ITGBL1: variants seen among roughly 807,000 people sequenced by gnomAD.
ITGBL1 encodes integrin beta-like protein 1.
A neutral mutation model predicts 68.5 loss-of-function variants in ITGBL1; 51 were observed. The observed-to-expected ratio is 0.74, with a 90% CI of 0.59 to 0.94. ITGBL1 has a LOEUF of 0.94. Ranked by LOEUF, ITGBL1 falls within the 40% of genes least tolerant of loss-of-function variation. ITGBL1 has a pLI of 0.00. For missense variants in ITGBL1, 649 were observed against 647.4 expected, an observed-to-expected ratio of 1.00 and a Z score of -0.03; for synonymous variants, 209 against 227.3, an observed-to-expected ratio of 0.92 and a Z score of 0.72.
chr13:101,587,015 A>G (rs1200390833), intron 6 of ITGBL1, among the ~76,000 whole-genome samples: 1 of 152,174 alleles, frequency 6.6e-6, no homozygotes. Flanking sequence ...ACTAGAACAT[A>G]ATAAGGCTCT....
At chr13:101,500,596 C>T (rs1281525553) in intron 2 of ITGBL1, among the ~76,000 whole-genome samples, 1 of 152,118 alleles carries the variant, frequency 6.6e-6, no homozygotes, top group Non-Finnish European at 1.5e-5. Flanking sequence ...AGAACTCGAG[C>T]AGATTTACCC....
chr13:101,554,318 T>C (rs929481407), intron 2 of ITGBL1, among the ~76,000 whole-genome samples: 2 of 152,194 alleles, frequency 1.3e-5, no homozygotes, highest in Non-Finnish European at 2.9e-5. Context: ...TCAATCAATG[T>C]GGATTTTCCC....
intron 7 of ITGBL1, among the ~76,000 whole-genome samples, chr13:101,628,238 A>G (rs1166293447): frequency 6.6e-6 from 1 of 151,998 alleles, no homozygotes; most frequent in East Asian, 1.9e-4. Context: ...TGCCATCTGT[A>G]TGTTTTCTTT....
chr13:101,690,125 G>T (rs975563023), intron 7 of ITGBL1, among the ~76,000 whole-genome samples: 2 of 152,094 alleles, frequency 1.3e-5, no homozygotes, highest in Admixed American at 6.5e-5. Flanking sequence ...ATTGGAAATT[G>T]GTTACTATAT....
At chr13:101,501,981 C>T (rs2048950384) in intron 2 of ITGBL1, among the ~76,000 whole-genome samples, 2 of 152,110 alleles carry the variant, frequency 1.3e-5, no homozygotes, top group Non-Finnish European at 2.9e-5. Context: ...GCTTCCCTCT[C>T]ACCTGAAAGG....
intron 2 of ITGBL1, among the ~76,000 whole-genome samples, chr13:101,486,461 A>G (rs2048704774): frequency 6.6e-6 from 1 of 152,164 alleles, no homozygotes; most frequent in Non-Finnish European, 1.5e-5. Context: ...CTGTTTCCCA[A>G]AACTATTGAA....
At chr13:101,545,258 A>G (rs1161946467) in intron 2 of ITGBL1, among the ~76,000 whole-genome samples, 1 of 152,236 alleles carries the variant, frequency 6.6e-6, no homozygotes, top group African/African-American at 2.4e-5. Flanking sequence ...AGAAAAATAT[A>G]GAAAAAAGTA....
chr13:101,672,640 T>A (rs1237755693), intron 7 of ITGBL1, among the ~76,000 whole-genome samples: 5 of 152,170 alleles, frequency 3.3e-5, no homozygotes, highest in African/African-American at 1.2e-4. Context: ...CCTACATAAA[T>A]CAGACAGTGC....
intron 7 of ITGBL1, among the ~76,000 whole-genome samples, chr13:101,636,325 T>G (rs1365514568): frequency 6.6e-6 from 1 of 152,156 alleles, no homozygotes; most frequent in Non-Finnish European, 1.5e-5. Context: ...CCTTTAATAC[T>G]CAAACATATA....
At position 101,455,341 on chromosome 13, in the gene ITGBL1, T is replaced by C. The variant is rs556683318; in HGVS notation, c.316+1241T>C. ...GGCGCAGGTGCATCTACTTGATTTG[T>C]TTTCCCTGTGAAGGCTGTGGATCAA... On this transcript the variant is annotated intron_variant, in intron 2 of 10. Coordinates refer to ENST00000376180, the MANE Select transcript of ITGBL1 (RefSeq NM_004791.3). Among the ~76,000 whole-genome samples, 6 of 152,282 alleles carry C rather than the reference T, an allele frequency of 3.9e-5. No homozygotes were observed. The South Asian group carries it at 1.0e-3, about 26-fold the overall frequency.
intron 5 of ITGBL1, 48 bp downstream of exon 5, chr13:101,579,475 T>C (rs1316749808): frequency 1.3e-6 from 2 of 1,579,806 alleles, no homozygotes; most frequent in African/African-American, 2.7e-5. Context: ...CAAACAAAGC[T>C]TTTAATTGTT....
At chr13:101,669,651 G>A (rs913291847) in intron 7 of ITGBL1, among the ~76,000 whole-genome samples, 2 of 152,136 alleles carry the variant, frequency 1.3e-5, no homozygotes, top group Non-Finnish European at 2.9e-5. Flanking sequence ...TTTGCAGAAA[G>A]TTTTTATTTT....
chr13:101,694,902 C>T (rs567960594), intron 8 of ITGBL1, among the ~76,000 whole-genome samples: 15 of 152,118 alleles, frequency 9.9e-5, no homozygotes, highest in South Asian at 2.1e-4. Context: ...CTCCAAATTA[C>T]GCATGGTTTA....
chr13:101,511,880 T>C (rs182493539), intron 2 of ITGBL1, among the ~76,000 whole-genome samples: 2 of 152,260 alleles, frequency 1.3e-5, no homozygotes, highest in East Asian at 3.9e-4. Flanking sequence ...AAACATCTTG[T>C]TTGTGGTCAT....
chr13:101,684,335 G>C (rs1404805972), intron 7 of ITGBL1, among the ~76,000 whole-genome samples: 1 of 151,712 alleles, frequency 6.6e-6, no homozygotes, highest in Non-Finnish European at 1.5e-5. Flanking sequence ...TTTCGTTATT[G>C]GTGCTTTCCA....
At chr13:101,567,640 C>T in intron 2 of ITGBL1, 59 bp from the exon 3 acceptor site, 2 of 1,521,960 alleles carry the variant, frequency 1.3e-6, no homozygotes, top group Non-Finnish European at 1.8e-6. Flanking sequence ...GTATGTGTTA[C>T]AGTAGTGGTT....
chr13:101,658,793 A>G (rs116325722), intron 7 of ITGBL1, among the ~76,000 whole-genome samples: 4,371 of 152,124 alleles, frequency 0.029, 187 homozygotes, highest in African/African-American at 0.1. Context: ...TTCACAGTCA[A>G]CCTGTTTCTG....
chr13:101,542,543 G>A (rs1487651902), intron 2 of ITGBL1, among the ~76,000 whole-genome samples: 1 of 152,142 alleles, frequency 6.6e-6, no homozygotes, highest in Admixed American at 6.5e-5. Flanking sequence ...TTGATTTGGG[G>A]TGGAGAGTTC....
intron 2 of ITGBL1, among the ~76,000 whole-genome samples, chr13:101,530,694 T>C (rs560789401): frequency 1.3e-5 from 2 of 152,376 alleles, no homozygotes; most frequent in South Asian, 2.1e-4. Flanking sequence ...GTAATTTACA[T>C]ATGTAGCCTT....
Sources: gnomAD v4.1 joint callset for allele counts (sites outside exome capture counted in the v4.1 genomes callset) on GRCh38, gnomAD v4.1.1 for gene constraint, MANE v1.5 for transcripts, NCBI Gene and HGNC (gene_info 2026-07-23, HGNC 2026-07-21) for gene names.